The following GALNT7 variants were observed in gnomAD, a reference collection of about 807,000 sequenced individuals.
GALNT7 encodes the protein polypeptide N-acetylgalactosaminyltransferase 7, also known as N-acetylgalactosaminyltransferase 7.
GALNT7 carries 60 observed loss-of-function variants against 82.1 expected under a neutral mutation model. That is an observed-to-expected ratio of 0.73 (90% CI 0.59 to 0.91). GALNT7 has a LOEUF of 0.91. Ranked by LOEUF, GALNT7 falls within the 40% of genes least tolerant of loss-of-function variation. The pLI, the probability that GALNT7 is intolerant of heterozygous loss-of-function variation, is 0.00. For missense variants in GALNT7, 660 were observed against 804.2 expected (o/e 0.82, Z 2.17); for synonymous variants, 243 against 275.1 (o/e 0.88, Z 1.15).
chr4:173,169,275 CGG>C (rs1185895031), intron 1 of GALNT7: 1 of 148,754 alleles, frequency 6.7e-6, no homozygotes, highest in African/African-American at 2.4e-5. Flanking sequence ...GCGGAGCGGG[CGG>C]AGAGCCGGGT....
intron 1 of GALNT7, among the ~76,000 whole-genome samples, chr4:173,221,981 A>G (rs1476419462): frequency 6.6e-6 from 1 of 152,204 alleles, no homozygotes; most frequent in Non-Finnish European, 1.5e-5. Flanking sequence ...AGCATACAAA[A>G]TACAAGCCCG....
chr4:173,233,074 T>C (rs1734088446), intron 1 of GALNT7, among the ~76,000 whole-genome samples: 1 of 152,248 alleles, frequency 6.6e-6, no homozygotes, highest in Admixed American at 6.5e-5. Context: ...AGGATTTCTT[T>C]CTGTGGCTGA....
Position 173,292,053 on chromosome 4 carries a change from A to G in GALNT7, c.588-55A>G. 8.5e-7 allele frequency: 1 copy of G among 1,180,732 alleles called. No individual in the cohort carries two copies. The highest frequency in any genetic ancestry group is 1.2e-6 in the Non-Finnish European group (1 of 805,420). The allele number at this position is 1,180,732 out of a possible 1,614,324, so 73.1% of individuals were successfully genotyped here. ...CAATCAGCAAATATAGTCAGCTTGG[A>G]GCCAAGCAGTATAGATTACCTGTAA... On this transcript the variant is annotated intron_variant, in intron 2 of 11. Transcript: ENST00000265000. The surrounding 1 kb of genome is among the most constrained non-coding windows in gnomAD (Gnocchi z 4.8).
chr4:173,235,474 G>A (rs1734189461), intron 1 of GALNT7, among the ~76,000 whole-genome samples: 1 of 151,974 alleles, frequency 6.6e-6, no homozygotes, highest in Non-Finnish European at 1.5e-5. Flanking sequence ...CTTCCCTCCT[G>A]TCTTCACCTA....
intron 1 of GALNT7, among the ~76,000 whole-genome samples, chr4:173,198,180 C>A (rs566113519): frequency 6.6e-6 from 1 of 152,028 alleles, no homozygotes; most frequent in African/African-American, 2.4e-5. Flanking sequence ...CCGCCTCAGC[C>A]TCCCAAGTAG....
At chr4:173,282,074 C>T (rs1736131892) in intron 2 of GALNT7, among the ~76,000 whole-genome samples, 1 of 152,182 alleles carries the variant, frequency 6.6e-6, no homozygotes, top group African/African-American at 2.4e-5. Flanking sequence ...TTACAGCTGA[C>T]TCCAGAAGCT....
intron 1 of GALNT7, among the ~76,000 whole-genome samples, chr4:173,221,285 C>T (rs1733635884): frequency 6.6e-6 from 1 of 152,132 alleles, no homozygotes; most frequent in Admixed American, 6.5e-5. Context: ...TGTTTCTTGG[C>T]TGCATAAATG....
intron 1 of GALNT7, among the ~76,000 whole-genome samples, chr4:173,244,008 C>T (rs1240066529): frequency 6.6e-6 from 1 of 152,146 alleles, no homozygotes; most frequent in Non-Finnish European, 1.5e-5. Context: ...GTGGTGCGTA[C>T]GATGGACATA....
chr4:173,266,083 C>G (rs1351381989), intron 2 of GALNT7, among the ~76,000 whole-genome samples: 1 of 152,128 alleles, frequency 6.6e-6, no homozygotes, highest in African/African-American at 2.4e-5. Context: ...CATGGCGAAA[C>G]CCTGTCTCTA....
At chr4:173,278,167 A>G (rs1735984317) in intron 2 of GALNT7, among the ~76,000 whole-genome samples, 1 of 152,256 alleles carries the variant, frequency 6.6e-6, no homozygotes, top group Non-Finnish European at 1.5e-5. Context: ...GGGCTATGAA[A>G]AAGAGTCAGA....
At chr4:173,275,626 C>T (rs28398267) in intron 2 of GALNT7, among the ~76,000 whole-genome samples, 1,664 of 152,258 alleles carry the variant, frequency 0.011, 31 homozygotes, top group African/African-American at 0.037. Flanking sequence ...AGGATTCAGC[C>T]ATGGTAAGGT....
intron 1 of GALNT7, among the ~76,000 whole-genome samples, chr4:173,193,167 G>A (rs772455422): frequency 2.6e-5 from 4 of 152,212 alleles, no homozygotes; most frequent in Non-Finnish European, 4.4e-5. Context: ...CTCTGCCTAA[G>A]GACCTTCTAA....
At chr4:173,275,833 G>A (rs1391821119) in intron 2 of GALNT7, among the ~76,000 whole-genome samples, 1 of 152,132 alleles carries the variant, frequency 6.6e-6, no homozygotes, top group African/African-American at 2.4e-5. Flanking sequence ...CTACACACAT[G>A]GCAAACACTG....
rs534485433 is a variant in GALNT7 at position 173,226,195 on chromosome 4, A to G, written c.127-21785A>G. 9.2e-5 allele frequency among the ~76,000 whole-genome samples: 14 copies of G among 152,340 alleles called. No homozygotes were observed. In the South Asian group the frequency reaches 2.9e-3, roughly 32 times the overall value. ...TTTCTTCAAAACAAATTTTCTTGAT[A>G]AAGACTTTTTCCCTATTGGCTATTC... On this transcript the variant is annotated intron_variant, in intron 1 of 11. Transcript: ENST00000265000.
rs568419124 is a variant in GALNT7, at chr4:173,292,966, A to T, written c.754+692A>T. Among the ~76,000 whole-genome samples, 5 of 152,280 alleles carry T rather than the reference A, an allele frequency of 3.3e-5. No individual in the cohort carries two copies. The highest frequency in any genetic ancestry group is 1.2e-4 in the African/African-American group (5 of 41,576). ...CATTTTATGTATGTCCATTTTGTTT[A>T]TGTCCATCTTTGTTGTGAATTTCTA... is the stretch of plus-strand genomic sequence containing the variant. On this transcript the variant is annotated intron_variant, in intron 3 of 11. Transcript: ENST00000265000. This position sits in a 1 kb window ranked among gnomAD's most constrained non-coding sequence, Gnocchi z 4.8.
chr4:173,249,528 A>T (rs1423896357), intron 2 of GALNT7, among the ~76,000 whole-genome samples: 1 of 152,196 alleles, frequency 6.6e-6, no homozygotes, highest in Non-Finnish European at 1.5e-5. Context: ...TATACAGAGA[A>T]CAGTCAGAGC....
intron 2 of GALNT7, among the ~76,000 whole-genome samples, chr4:173,266,311 A>G (rs1458745535): frequency 6.6e-6 from 1 of 152,232 alleles, no homozygotes; most frequent in Non-Finnish European, 1.5e-5. Context: ...GAAGGGGGCC[A>G]GAGGGGTTCC....
chr4:173,311,773 C>G (rs1183134830), intron 8 of GALNT7, among the ~76,000 whole-genome samples: 1 of 152,148 alleles, frequency 6.6e-6, no homozygotes, highest in Admixed American at 6.5e-5. Context: ...GGACACAGAT[C>G]CAAACCATAT....
At chr4:173,231,081 T>G (rs9685410) in intron 1 of GALNT7, among the ~76,000 whole-genome samples, 1 of 152,080 alleles carries the variant, frequency 6.6e-6, no homozygotes, top group Middle Eastern at 3.2e-3. Context: ...TTAACATAGG[T>G]TGAAAAGCAC....
Sources: allele counts gnomAD v4.1 joint callset (sites outside exome capture counted in the v4.1 genomes callset), GRCh38; gene constraint gnomAD v4.1.1; non-coding constraint Gnocchi (gnomAD v3.1); transcripts MANE v1.5; gene names NCBI Gene and HGNC (gene_info 2026-07-23, HGNC 2026-07-21).